The following DACH1 variants were observed in gnomAD, a reference collection of about 807,000 sequenced individuals.
DACH1 encodes the protein dachshund family transcription factor 1.
In DACH1, 12 loss-of-function variants were observed where a neutral mutation model predicts 54.2. The ratio of observed to expected loss-of-function variants is 0.22; its 90% CI spans 0.14 to 0.36. The LOEUF (loss-of-function observed/expected upper bound fraction) is 0.36. DACH1 is among the 10% of genes least tolerant of loss of function. The probability of loss-of-function intolerance (pLI) is 1.00; values close to 1 mark genes in which losing one functional copy is unlikely to be tolerated. For missense variants in DACH1, 805 were observed against 929.8 expected (o/e 0.87, Z 1.75); for synonymous variants, 386 against 366.2 (o/e 1.05, Z -0.62).
At chr13:71,600,699 C>G (rs1280976378) in intron 3 of DACH1, among the ~76,000 whole-genome samples, 1 of 151,940 alleles carries the variant, frequency 6.6e-6, no homozygotes, top group Non-Finnish European at 1.5e-5. Context: ...TAAATTCTTT[C>G]TAACAGTCAA....
At chr13:71,700,099 G>GCACA (rs149264805) in intron 1 of DACH1, among the ~76,000 whole-genome samples, 9 of 149,864 alleles carry the variant, frequency 6.0e-5, no homozygotes, top group East Asian at 3.9e-4. Flanking sequence ...GCATGCATGT[G>GCACA]CACACACACA....
Position 71,519,883 on chromosome 13 carries a change from G to A in DACH1, c.1571-30735C>T, listed in dbSNP as rs576701275. 4.7e-3 allele frequency among the ~76,000 whole-genome samples: 139 copies of A among 29,344 alleles called. 8 individuals carry two copies. The highest frequency in any genetic ancestry group is 0.017 in the East Asian group (7 of 418). The allele number at this position is 29,344 out of a possible 152,430, so 19.3% of individuals were successfully genotyped here. On this transcript the variant is annotated intron_variant, in intron 6 of 10. Transcript: ENST00000613252. ...AGATGTTTGTGTCCAAACCAAAGTA[G>A]TATATATATATATATATATATATAT...
At chr13:71,555,601 A>T (rs895755887) in intron 6 of DACH1, among the ~76,000 whole-genome samples, 1 of 152,066 alleles carries the variant, frequency 6.6e-6, no homozygotes, top group Non-Finnish European at 1.5e-5. Flanking sequence ...TCAGCCTCCC[A>T]AAGTGCTGGG....
chr13:71,563,892 T>C (rs1884749866), intron 4 of DACH1, among the ~76,000 whole-genome samples: 1 of 151,760 alleles, frequency 6.6e-6, no homozygotes, highest in African/African-American at 2.4e-5. Flanking sequence ...GCTTAACTAT[T>C]CAATTGAAAC....
intron 3 of DACH1, among the ~76,000 whole-genome samples, chr13:71,583,869 C>G (rs372817582): frequency 6.6e-6 from 1 of 152,014 alleles, no homozygotes. Context: ...TCCAGGGGGC[C>G]TTTAATTAAC....
Position 71,808,497 on chromosome 13 carries a change from A to G in DACH1, c.848+57425T>C, listed in dbSNP as rs544794822. 2.0e-4 allele frequency among the ~76,000 whole-genome samples: 31 copies of G among 152,350 alleles called. No individual in the cohort carries two copies. The South Asian group carries it at 6.4e-3, about 32-fold the overall frequency. On this transcript the variant is annotated intron_variant, in intron 1 of 10. Coordinates refer to ENST00000613252, the MANE Select transcript of DACH1 (RefSeq NM_080759.6). ...TTTTTATAAACACATAACTAATAAAAAGAGAAATATAAGCATCTTTGGAGG... is the reference window on the plus strand; with the variant it reads ...TTTTTATAAACACATAACTAATAAAGAGAGAAATATAAGCATCTTTGGAGG...
intron 6 of DACH1, among the ~76,000 whole-genome samples, chr13:71,513,706 C>T (rs1468697953): frequency 1.3e-5 from 2 of 151,988 alleles, no homozygotes; most frequent in East Asian, 3.9e-4. Context: ...AACAATTGAT[C>T]CATTTTCAAG....
intron 7 of DACH1, among the ~76,000 whole-genome samples, chr13:71,488,641 A>T (rs1200873711): frequency 1.3e-5 from 2 of 152,046 alleles, no homozygotes; most frequent in African/African-American, 4.8e-5. Flanking sequence ...AATATTTATT[A>T]GAACTAGTGT....
chr13:71,786,081 G>A (rs761194806), intron 1 of DACH1, among the ~76,000 whole-genome samples: 9 of 152,026 alleles, frequency 5.9e-5, no homozygotes, highest in Non-Finnish European at 1.2e-4. Flanking sequence ...TTTAAAAGGC[G>A]GGTAGAGAGC....
chr13:71,499,109 G>A (rs188049706), intron 6 of DACH1, among the ~76,000 whole-genome samples: 18 of 111,430 alleles, frequency 1.6e-4, no homozygotes, highest in Admixed American at 4.8e-4. Flanking sequence ...ATGCGAGCAC[G>A]CGCACACACA....
chr13:71,680,096 T>C (rs1165492175), intron 2 of DACH1, among the ~76,000 whole-genome samples: 2 of 152,220 alleles, frequency 1.3e-5, no homozygotes, highest in Non-Finnish European at 1.5e-5. Flanking sequence ...ACGTACTACC[T>C]ATTTGATTTT....
intron 10 of DACH1, among the ~76,000 whole-genome samples, chr13:71,474,705 A>T (rs1877365504): frequency 6.6e-6 from 1 of 152,172 alleles, no homozygotes; most frequent in Non-Finnish European, 1.5e-5. Flanking sequence ...ACATTCAACT[A>T]GTCTATTTTG....
At chr13:71,670,716 G>A (rs762635057) in intron 2 of DACH1, among the ~76,000 whole-genome samples, 3 of 151,884 alleles carry the variant, frequency 2.0e-5, no homozygotes, top group African/African-American at 7.2e-5. Context: ...GTTAGCAATG[G>A]CATTGAATAA....
intron 10 of DACH1, among the ~76,000 whole-genome samples, chr13:71,467,365 G>A (rs1261008279): frequency 9.0e-6 from 1 of 110,570 alleles, no homozygotes; most frequent in Non-Finnish European, 1.8e-5. Context: ...GGGGGGAGGG[G>A]GGAGGGATAG....
intron 1 of DACH1, among the ~76,000 whole-genome samples, chr13:71,708,175 A>G (rs1882538013): frequency 6.6e-6 from 1 of 152,010 alleles, no homozygotes; most frequent in African/African-American, 2.4e-5. Flanking sequence ...CATTTGAAAT[A>G]TATAGTCTCT....
chr13:71,768,868 G>T (rs375072413), intron 1 of DACH1, among the ~76,000 whole-genome samples: 68 of 151,876 alleles, frequency 4.5e-4, no homozygotes, highest in African/African-American at 1.5e-3. Context: ...TTGACATCAC[G>T]CATTTTGATT....
At chr13:71,681,737 A>C in intron 2 of DACH1, 58 bp downstream of exon 2, 3 of 1,260,712 alleles carry the variant, frequency 2.4e-6, no homozygotes, top group Non-Finnish European at 2.3e-6. Context: ...ATATATATAA[A>C]AGCTACGACA....
chr13:71,700,098 T>TGC (rs2138746923), intron 1 of DACH1, among the ~76,000 whole-genome samples: 1 of 152,102 alleles, frequency 6.6e-6, no homozygotes, highest in South Asian at 2.1e-4. Context: ...TGCATGCATG[T>TGC]GCACACACAC....
At chr13:71,781,346 T>TTTTA (rs58100916) in intron 1 of DACH1, among the ~76,000 whole-genome samples, 35,252 of 137,064 alleles carry the variant, frequency 0.26, 5,221 homozygotes, top group East Asian at 0.46. Flanking sequence ...TCTTTTTTAT[T>TTTTA]TTTATTTATT....
Sources: gnomAD v4.1 joint callset for allele counts (sites outside exome capture counted in the v4.1 genomes callset) on GRCh38, gnomAD v4.1.1 for gene constraint, MANE v1.5 for transcripts, NCBI Gene and HGNC (gene_info 2026-07-23, HGNC 2026-07-21) for gene names.